Variants in CDH4 observed in about 807,000 individuals in gnomAD.
CDH4 encodes cadherin-4.
Under a neutral mutation model 86.0 loss-of-function variants are expected in CDH4, and 33 were observed. The ratio of observed to expected loss-of-function variants is 0.38; its 90% CI spans 0.29 to 0.51. The LOEUF is 0.51. Among genes scored for constraint, CDH4 ranks in the 20% least tolerant of loss-of-function variants. CDH4 has a pLI of 0.86. For synonymous variants in CDH4, 555 were observed against 549.4 expected, an observed-to-expected ratio of 1.01 and a Z score of -0.14; for missense variants, 1,114 against 1,307.4, an observed-to-expected ratio of 0.85 and a Z score of 2.28.
At chr20:61,715,615 A>G (rs1314841397) in intron 2 of CDH4, among the ~76,000 whole-genome samples, 1 of 152,218 alleles carries the variant, frequency 6.6e-6, no homozygotes, top group Non-Finnish European at 1.5e-5. Flanking sequence ...CAACTCAAAC[A>G]CATTCAAACC....
In CDH4 at chr20:61,647,522, ATATT is replaced by A. The variant is rs1425262277; in HGVS notation, c.170-96040_170-96037del. Among the ~76,000 whole-genome samples, 12 of 65,152 alleles carry A rather than the reference ATATT, an allele frequency of 1.8e-4. 2 individuals carry two copies. Among genetic ancestry groups the A allele is most frequent in the Non-Finnish European group, 3.2e-4 (8 of 24,772 alleles). 42.7% of individuals were successfully genotyped at this position (65,152 alleles called of 152,430 possible). On this transcript the variant is annotated intron_variant, in intron 2 of 15. Transcript: ENST00000614565. ...GAAAAACACATCAGTATGCACACAC[ATATT>A]CTCTCTCCCTCTCCCTCTCCCTCTC...
chr20:61,859,537 A>G (rs1490769276), intron 6 of CDH4, among the ~76,000 whole-genome samples: 1 of 152,200 alleles, frequency 6.6e-6, no homozygotes, highest in Non-Finnish European at 1.5e-5. Context: ...AGTTTACGTT[A>G]GGTCCATGAT....
intron 4 of CDH4, among the ~76,000 whole-genome samples, chr20:61,834,288 C>G (rs1421943986): frequency 6.6e-6 from 1 of 152,270 alleles, no homozygotes; most frequent in African/African-American, 2.4e-5. Context: ...AGCTGCCTCT[C>G]CTTCTGGGGC....
intron 4 of CDH4, among the ~76,000 whole-genome samples, chr20:61,818,510 A>G (rs1980850236): frequency 6.6e-6 from 1 of 152,010 alleles, no homozygotes; most frequent in African/African-American, 2.4e-5. Flanking sequence ...CCCTGTCTCT[A>G]CACAAAATGT....
At chr20:61,291,581 C>T (rs909497602) in intron 2 of CDH4, among the ~76,000 whole-genome samples, 11 of 152,210 alleles carry the variant, frequency 7.2e-5, no homozygotes, top group Admixed American at 4.6e-4. Context: ...CAAAGACTGC[C>T]GGTCGGCAGG....
intron 6 of CDH4, among the ~76,000 whole-genome samples, chr20:61,855,819 C>T (rs2146118708): frequency 6.6e-6 from 1 of 152,344 alleles, no homozygotes; most frequent in East Asian, 1.9e-4. Flanking sequence ...ACCCCGGAGT[C>T]AGCCCTTCTT....
intron 7 of CDH4, among the ~76,000 whole-genome samples, chr20:61,874,889 A>G (rs1218283339): frequency 6.6e-6 from 1 of 152,204 alleles, no homozygotes; most frequent in Non-Finnish European, 1.5e-5. Flanking sequence ...GCTTGTTTCC[A>G]GAGGCCACAG....
chr20:61,505,040 T>C (rs1034747801), intron 2 of CDH4, among the ~76,000 whole-genome samples: 4 of 152,196 alleles, frequency 2.6e-5, no homozygotes, highest in African/African-American at 7.2e-5. Context: ...TCTTTAACAT[T>C]TTGCTTAAGA....
chr20:61,727,267 A>G (rs2088126523), intron 2 of CDH4, among the ~76,000 whole-genome samples: 1 of 151,826 alleles, frequency 6.6e-6, no homozygotes, highest in South Asian at 2.1e-4. Flanking sequence ...CATCACCATC[A>G]GAGTCATCAT....
intron 7 of CDH4, among the ~76,000 whole-genome samples, chr20:61,885,526 A>G (rs1377769655): frequency 2.6e-5 from 4 of 152,180 alleles, no homozygotes; most frequent in Non-Finnish European, 5.9e-5. Flanking sequence ...CTCTTTGTCC[A>G]TTCATCGCTC....
chr20:61,858,257 CTGTGTGTCTGTGTCTA>C (rs1387939004), intron 6 of CDH4, among the ~76,000 whole-genome samples: 1 of 139,534 alleles, frequency 7.2e-6, no homozygotes, highest in South Asian at 2.3e-4. Flanking sequence ...GTGTCTGCGT[CTGTGTGTCTGTGTCTA>C]TGTGTGTCTG....
intron 6 of CDH4, among the ~76,000 whole-genome samples, chr20:61,863,760 G>A (rs959273396): frequency 4.6e-5 from 7 of 152,200 alleles, no homozygotes; most frequent in Non-Finnish European, 7.3e-5. Flanking sequence ...CGAGGCTCCC[G>A]GAGGTGAAGC....
chr20:61,483,179 T>C (rs927672497), intron 2 of CDH4, among the ~76,000 whole-genome samples: 1 of 152,086 alleles, frequency 6.6e-6, no homozygotes. Flanking sequence ...TAAGACAAGA[T>C]GAGTGATGAA....
At chr20:61,627,996 G>A (rs1255662268) in intron 2 of CDH4, among the ~76,000 whole-genome samples, 1 of 152,062 alleles carries the variant, frequency 6.6e-6, no homozygotes, top group African/African-American at 2.4e-5. Context: ...TCCTCACACA[G>A]CACAAAGCCA....
At chr20:61,605,021 T>C (rs1012696109) in intron 2 of CDH4, among the ~76,000 whole-genome samples, 1 of 152,212 alleles carries the variant, frequency 6.6e-6, no homozygotes, top group African/African-American at 2.4e-5. Flanking sequence ...CTGGAAGTTT[T>C]GGTGCAGACA....
intron 2 of CDH4, chr20:61,599,823 C>A (rs893912214): frequency 2.1e-5 from 21 of 985,556 alleles, no homozygotes; most frequent in Non-Finnish European, 2.4e-5. Flanking sequence ...CTTTCCTGTT[C>A]CTGGTTGAAG....
At chr20:61,864,989 G>A (rs1023601023) in intron 6 of CDH4, among the ~76,000 whole-genome samples, 1 of 152,092 alleles carries the variant, frequency 6.6e-6, no homozygotes, top group Admixed American at 6.5e-5. Context: ...CACACCTGGG[G>A]CATTTTCTGC....
Position 61,439,628 on chromosome 20 carries a change from G to A in CDH4, c.169+184691G>A, listed in dbSNP as rs943116410. Among the ~76,000 whole-genome samples the A allele has an allele frequency of 6.6e-5, 10 of 152,244 alleles. 1 individual carries two copies. The South Asian group carries it at 2.1e-3, about 31-fold the overall frequency. ...CAAGAGTCCTCTGTGGAAACCAGAA[G>A]GCTCCTGTGACCCAGCTGTGGAAGG... is the stretch of plus-strand genomic sequence containing the variant. On this transcript the variant is annotated intron_variant, in intron 2 of 15. Transcript: ENST00000614565.
chr20:61,921,857 C>T (rs1031475689), intron 9 of CDH4, among the ~76,000 whole-genome samples: 3 of 152,030 alleles, frequency 2.0e-5, no homozygotes, highest in East Asian at 1.9e-4. Context: ...CCTCTGATAA[C>T]GATGATCATT....
Sources: allele counts gnomAD v4.1 joint callset (sites outside exome capture counted in the v4.1 genomes callset), GRCh38; gene constraint gnomAD v4.1.1; transcripts MANE v1.5; gene names NCBI Gene and HGNC (gene_info 2026-07-23, HGNC 2026-07-21).